The following TTC6 variants were observed in gnomAD, a reference collection of about 807,000 sequenced individuals.
TTC6 encodes the protein tetratricopeptide repeat protein 6.
TTC6 carries 172 observed loss-of-function variants against 210.4 expected under a neutral mutation model. The ratio of observed to expected loss-of-function variants is 0.82; its 90% CI spans 0.72 to 0.93. TTC6 has a LOEUF of 0.93. TTC6 is among the 40% of genes least tolerant of loss of function. TTC6 has a pLI of 0.00. For synonymous variants in TTC6, 804 were observed against 819.6 expected, an observed-to-expected ratio of 0.98 and a Z score of 0.32; for missense variants, 2,414 against 2,318.1, an observed-to-expected ratio of 1.04 and a Z score of -0.85.
At chr14:37,651,417 ATATATATATTTTTTTTTTTTTTTT>A (rs1239933739) in intron 1 of TTC6, among the ~76,000 whole-genome samples, 1 of 20,256 alleles carries the variant, frequency 4.9e-5, no homozygotes, top group Admixed American at 4.8e-4. Flanking sequence ...ATATATATAT[ATATATATATTTTTTTTTTTTTTTT>A]TTTTTTTTTT....
intron 15 of TTC6, among the ~76,000 whole-genome samples, chr14:37,789,497 A>T (rs1304077461): frequency 6.6e-6 from 1 of 151,344 alleles, no homozygotes; most frequent in Non-Finnish European, 1.5e-5. Flanking sequence ...TGTATATACT[A>T]TGGTTAAACC....
At chr14:37,807,454 C>T (rs1272470134) in exon 23 of TTC6, 1 of 1,500,460 alleles carries the variant, frequency 6.7e-7, no homozygotes, top group Non-Finnish European at 8.9e-7. Context: ...TGAAATACTA[C>T]AACAAGGTAG....
At chr14:37,599,463 A>G (rs535462092) in intron 1 of TTC6, among the ~76,000 whole-genome samples, 1 of 152,330 alleles carries the variant, frequency 6.6e-6, no homozygotes, top group South Asian at 2.1e-4. Context: ...ACGCATAAAC[A>G]TACCCAGGGC....
chr14:37,805,416 GACACAC>G (rs60931072), intron 21 of TTC6, among the ~76,000 whole-genome samples: 2,279 of 146,498 alleles, frequency 0.016, 27 homozygotes, highest in South Asian at 0.045. Context: ...TCTATCTCAA[GACACAC>G]ACACACACAC....
intron 29 of TTC6, among the ~76,000 whole-genome samples, chr14:37,838,668 T>A (rs2096203264): frequency 6.6e-6 from 1 of 152,202 alleles, no homozygotes; most frequent in African/African-American, 2.4e-5. Context: ...TCTTTCTTCT[T>A]TTTTTTCTTG....
chr14:37,676,722 T>C (rs1460157042), intron 1 of TTC6, among the ~76,000 whole-genome samples: 3 of 152,084 alleles, frequency 2.0e-5, no homozygotes, highest in Non-Finnish European at 4.4e-5. Flanking sequence ...ATTTGACCCA[T>C]TTTTAGTTAA....
intron 14 of TTC6, among the ~76,000 whole-genome samples, chr14:37,786,081 A>C (rs924800694): frequency 1.3e-5 from 2 of 152,146 alleles, no homozygotes; most frequent in African/African-American, 4.8e-5. Flanking sequence ...TCAGGGAGTC[A>C]CTTGAGGTGG....
At chr14:37,682,445 G>A (rs1455605459) in intron 2 of TTC6, among the ~76,000 whole-genome samples, 1 of 81,430 alleles carries the variant, frequency 1.2e-5, no homozygotes, top group Non-Finnish European at 3.0e-5. Context: ...TCTTGGTCTA[G>A]CTATACCTTC....
rs1442827214 is a variant in TTC6 at position 37,598,419 on chromosome 14, G to A, written c.-235+2411G>A. ...GACTGTAGGGTGCGCGGGTACTCCG[G>A]GTAGCCGCCAGCGGAGGAAGCGGCT... is the stretch of plus-strand genomic sequence containing the variant. On this transcript the variant is annotated intron_variant, in intron 1 of 2. Coordinates refer to the TTC6 transcript ENST00000556845. The surrounding 1 kb of genome is among the most constrained non-coding windows in gnomAD (Gnocchi z 4.9). Among the ~76,000 whole-genome samples, 2 of 152,216 alleles carry A rather than the reference G, an allele frequency of 1.3e-5. No homozygotes were observed. The highest frequency in any genetic ancestry group is 6.5e-5 in the Admixed American group (1 of 15,290).
intron 1 of TTC6, among the ~76,000 whole-genome samples, chr14:37,651,675 A>G (rs1055462291): frequency 9.2e-5 from 14 of 151,860 alleles, no homozygotes; most frequent in African/African-American, 3.4e-4. Flanking sequence ...AGTCCCAGCT[A>G]CTTGGGAGGC....
chr14:37,752,094 G>A (rs572562851), intron 13 of TTC6, among the ~76,000 whole-genome samples: 146 of 152,036 alleles, frequency 9.6e-4, no homozygotes, highest in Non-Finnish European at 1.4e-3. Context: ...CAAAGTGGTG[G>A]GGTTACAGGC....
chr14:37,835,598 A>G (rs1056687220), intron 29 of TTC6, among the ~76,000 whole-genome samples: 1 of 152,150 alleles, frequency 6.6e-6, no homozygotes, highest in African/African-American at 2.4e-5. Flanking sequence ...TCTATTGATT[A>G]TATCTTCTCC....
chr14:37,644,227 A>T (rs1468770647), intron 1 of TTC6, among the ~76,000 whole-genome samples: 1 of 152,198 alleles, frequency 6.6e-6, no homozygotes, highest in Non-Finnish European at 1.5e-5. Context: ...TGGATTAGAC[A>T]GGATGAAAGT....
intron 20 of TTC6, among the ~76,000 whole-genome samples, chr14:37,798,851 A>T (rs2096098892): frequency 1.3e-5 from 2 of 152,174 alleles, no homozygotes. Context: ...ATGTTAATGT[A>T]GCAGATTATA....
At chr14:37,618,141 C>T (rs534095329), upstream of TTC6, among the ~76,000 whole-genome samples, 5 of 152,306 alleles carry the variant, frequency 3.3e-5, no homozygotes, top group South Asian at 8.3e-4. Context: ...TTGGATTTTC[C>T]GTTCCAACAG....
intron 3 of TTC6, among the ~76,000 whole-genome samples, chr14:37,696,230 A>C (rs2095814604): frequency 6.6e-6 from 1 of 152,194 alleles, no homozygotes; most frequent in Non-Finnish European, 1.5e-5. Flanking sequence ...CCTTAAATCT[A>C]ATCTCAAAAA....
chr14:37,749,093 C>T (rs1307206847), exon 11 of TTC6: 10 of 1,535,514 alleles, frequency 6.5e-6, no homozygotes, highest in Non-Finnish European at 6.1e-6. Context: ...TATTGATCCT[C>T]GGACATGGGC....
chr14:37,633,290 G>A (rs1220194946), intron 1 of TTC6, among the ~76,000 whole-genome samples: 2 of 152,206 alleles, frequency 1.3e-5, no homozygotes, highest in Non-Finnish European at 2.9e-5. Context: ...TGCATGTTGC[G>A]AAGACCGTGG....
At chr14:37,649,659 G>A (rs1196628588) in intron 1 of TTC6, among the ~76,000 whole-genome samples, 2 of 152,178 alleles carry the variant, frequency 1.3e-5, no homozygotes, top group Non-Finnish European at 2.9e-5. Flanking sequence ...TGAGGCCATG[G>A]GCCCTCAGTG....
Sources: gnomAD v4.1 joint callset for allele counts (sites outside exome capture counted in the v4.1 genomes callset) on GRCh38, gnomAD v4.1.1 for gene constraint, Gnocchi (gnomAD v3.1) non-coding constraint, MANE v1.5 for transcripts, NCBI Gene and HGNC (gene_info 2026-07-23, HGNC 2026-07-21) for gene names.